Variants in PLK2 observed in about 807,000 individuals in gnomAD.
PLK2 encodes the protein polo like kinase 2, also known as serine/threonine-protein kinase PLK2.
In PLK2, 25 loss-of-function variants were observed where a neutral mutation model predicts 78.1. That is an observed-to-expected ratio of 0.32 (90% CI 0.23 to 0.45). PLK2 has a LOEUF of 0.45. Ranked by LOEUF, PLK2 falls within the 20% of genes least tolerant of loss-of-function variation. The pLI is 1.00. For synonymous variants in PLK2, 332 were observed against 298.2 expected (o/e 1.11, Z -1.17); for missense variants, 566 against 840.2 (o/e 0.67, Z 4.04).
In PLK2 at chr5:58,458,723, A is replaced by G. The variant is rs777604213; in HGVS notation, c.495+2T>C. 1.4e-6 allele frequency: 2 copies of G among 1,447,056 alleles called. No individual in the cohort carries two copies. Among genetic ancestry groups the G allele is most frequent in the Non-Finnish European group, 1.9e-6 (2 of 1,028,808 alleles). 89.6% of individuals were successfully genotyped at this position (1,447,056 alleles called of 1,614,324 possible). A position where few individuals can be genotyped will look rare whatever the true frequency, so the allele number is the denominator to read the frequency against. On this transcript the variant is annotated splice_donor_variant, in intron 3 of 13. Transcript: ENST00000274289. LOFTEE classifies it high-confidence loss of function. ...TGTTCTCAAATAGGAGTTGACACTT[A>G]CCCTTCTACTGCAGTATTCCAAGAG...
In PLK2 at chr5:58,455,344, T is replaced by C; in HGVS notation, c.1696A>G (p.Ile566Val). 1 of 1,613,968 alleles carries C rather than the reference T, an allele frequency of 6.2e-7. No homozygotes were observed. Among genetic ancestry groups the C allele is most frequent in the Non-Finnish European group, 8.5e-7 (1 of 1,179,864 alleles). ...FPATDAPEQFISQVTVLKYFS... is the reference protein window; with the variant it reads ...FPATDAPEQFVSQVTVLKYFS... ...TATTTCAGCACCGTCACTTGACTAA[T>C]AAATTGCTCAGGAGCATCTGTTGCT... The change falls in exon 12 of 14, where the codon ATT becomes GTT. Residue 566 changes from isoleucine (I) to valine (V), a missense_variant. By Grantham distance (29) the Ile-to-Val change is conservative. Around this residue, in one of 5 missense-constraint regions of PLK2, gnomAD observed 130 missense variants for 196.4 expected, o/e 0.66. Transcript: ENST00000274289.
chr5:58,459,696 C>T lies in PLK2; in HGVS notation c.264G>A (p.Leu88=). 6.3e-7 allele frequency: 1 copy of T among 1,583,592 alleles called. No homozygotes were observed. Among genetic ancestry groups the T allele is most frequent in the Non-Finnish European group, 8.6e-7 (1 of 1,164,634 alleles). Residue 88 remains leucine (L), a synonymous_variant, in exon 1 of 14, where the codon CTG becomes CTA. Coordinates refer to ENST00000274289, the MANE Select transcript of PLK2 (RefSeq NM_006622.4). ...GGCGCCCTCCGCTTGTCACCTTTCC[C>T]AGCACTTTGCCCCGGCAGTAGCGCT... ...TGKRYCRGKV[L]GKGGFAKCYE...
intron 5 of PLK2, 36 bp from the exon 6 acceptor site, chr5:58,457,619 T>A: frequency 8.2e-7 from 1 of 1,223,674 alleles, no homozygotes; most frequent in Non-Finnish European, 1.2e-6. Context: ...TGTTAGGAAC[T>A]ATTCCACTAC....
chr5:58,456,018 C>A lies in PLK2; in HGVS notation c.1384+8G>T. The stretch of plus-strand genomic sequence containing the variant: ...TCATTATTTAAAATACGATTGACAA[C>A]CACTTACATTCACTGCTGCTGCTAC... On this transcript the variant is annotated splice_region_variant and intron_variant, in intron 10 of 13. Coordinates refer to ENST00000274289, the MANE Select transcript of PLK2 (RefSeq NM_006622.4). 1 of 1,607,236 alleles carries A rather than the reference C, an allele frequency of 6.2e-7. No individual in the cohort carries two copies. The highest frequency in any genetic ancestry group is 1.1e-5 in the South Asian group (1 of 89,374).
At chr5:58,455,871 T>C (rs945145911) in intron 10 of PLK2, 92 bp from the exon 11 acceptor site, 2 of 1,514,874 alleles carry the variant, frequency 1.3e-6, no homozygotes, top group African/African-American at 2.8e-5. Context: ...CTCCATTAAT[T>C]CGAAAGACAT....
chr5:58,459,115 C>T (rs764035143), intron 1 of PLK2, 23 bp from the exon 2 acceptor site: 8 of 1,301,166 alleles, frequency 6.1e-6, no homozygotes, highest in Admixed American at 1.7e-5. Flanking sequence ...AAAGCCGAGA[C>T]GGAATTGAGG....
intron 8 of PLK2, 74 bp downstream of exon 8, chr5:58,456,871 T>C (rs1743619893): frequency 3.1e-6 from 3 of 980,208 alleles, no homozygotes; most frequent in Admixed American, 2.5e-5. Flanking sequence ...AATATAAAAT[T>C]CTCTTTTAAC....
In PLK2 at chr5:58,454,590, C is replaced by T; in HGVS notation, c.2051G>A (p.Cys684Tyr). 6.2e-7 allele frequency: 1 copy of T among 1,608,544 alleles called. No homozygotes were observed. Among genetic ancestry groups the T allele is most frequent in the Non-Finnish European group, 8.5e-7 (1 of 1,176,770 alleles). Residue 684 changes from cysteine to tyrosine, a missense_variant, in exon 14 of 14, where the codon TGT becomes TAT. Physicochemically the swap from Cys to Tyr is radical, Grantham distance 194. This residue lies in a region of PLK2 where 130 missense variants were observed against 196.4 expected (regional missense o/e 0.66). Transcript: ENST00000274289. ...EYALNMLLQR[C>Y]N Reference sequence around the variant, plus strand: ...GTCCATTCGAAAAGTCTTTCAGTTACATCTTTGTAAGAGCATGTTCAGGGC... The same window carrying T: ...GTCCATTCGAAAAGTCTTTCAGTTATATCTTTGTAAGAGCATGTTCAGGGC...
Position 58,460,061 on chromosome 5 carries a change from C to T in PLK2, c.-102G>A. ...CACCCTTGCCTCTGGTGCCGACTAG[C>T]ACCCAACACCCCGGTCCACTTGTGC... On this transcript the variant is annotated 5_prime_UTR_variant, in exon 1 of 14. Transcript: ENST00000274289. The T allele has an allele frequency of 1.5e-6, 2 of 1,329,784 alleles. No homozygotes were observed. The highest frequency in any genetic ancestry group is 2.0e-6 in the Non-Finnish European group (2 of 980,160). 82.4% of individuals were successfully genotyped at this position (1,329,784 alleles called of 1,614,324 possible).
chr5:58,454,722 T>C lies in PLK2; in HGVS notation c.1919A>G (p.Glu640Gly), dbSNP rs756373481. 3 of 1,613,260 alleles carry C rather than the reference T, an allele frequency of 1.9e-6. No individual in the cohort carries two copies. Among genetic ancestry groups the C allele is most frequent in the Admixed American group, 3.3e-5 (2 of 59,950 alleles). Residue 640 changes from glutamate to glycine, a missense_variant, in exon 14 of 14, where the codon GAA (glutamate) becomes GGA (glycine). Physicochemically the swap from Glu to Gly is moderately conservative, Grantham distance 98. Transcript: ENST00000274289. Reference protein sequence around the residue: ...TKIIICSQNEEYLLTYINEDR... With the variant: ...TKIIICSQNEGYLLTYINEDR... ...CTCATTGATGTAGGTGAGAAGGTAT[T>C]CTTCATTTTGGCTACAGATGATGAT... is the stretch of plus-strand genomic sequence containing the variant.
rs1185719088 is a variant in PLK2, at chr5:58,454,555, G to A, written c.*28C>T. On this transcript the variant is annotated 3_prime_UTR_variant, in exon 14 of 14. Transcript: ENST00000274289. Reference sequence around the variant, plus strand: ...GTAGATCTCACAGTGGAAAAGAGGAGTCCCATAGGGTCCATTCGAAAAGTC... The same window carrying A: ...GTAGATCTCACAGTGGAAAAGAGGAATCCCATAGGGTCCATTCGAAAAGTC... 11 of 1,472,306 alleles carry A rather than the reference G, an allele frequency of 7.5e-6. No homozygotes were observed. The highest frequency in any genetic ancestry group is 1.0e-5 in the Non-Finnish European group (11 of 1,065,134). The allele number at this position is 1,472,306 out of a possible 1,614,324, so 91.2% of individuals were successfully genotyped here.
chr5:58,459,465 G>A (rs2111715590), intron 1 of PLK2: 1 of 572,934 alleles, frequency 1.7e-6, no homozygotes, highest in East Asian at 2.9e-5. Context: ...GCATTTCTCT[G>A]GGCTGCGGGA....
chr5:58,455,210 C>G (rs1743563255), intron 12 of PLK2, 75 bp downstream of exon 12: 3 of 1,527,178 alleles, frequency 2.0e-6, no homozygotes, highest in African/African-American at 1.4e-5. Context: ...TTCTAACAAG[C>G]TTCAAAGTGA....
Position 58,459,017 on chromosome 5 carries a change from T to C in PLK2, c.346A>G (p.Ser116Gly). 1 of 1,609,420 alleles carries C rather than the reference T, an allele frequency of 6.2e-7. No individual in the cohort carries two copies. The highest frequency in any genetic ancestry group is 8.5e-7 in the Non-Finnish European group (1 of 1,175,788). Residue 116 changes from serine (S) to glycine (G), a missense_variant, in exon 2 of 14, where the codon AGC becomes GGC. Ser to Gly is a moderately conservative substitution (Grantham distance 56). Transcript: ENST00000274289. ...CTTTGATGAGGTTTAGCTACTCTGC[T>C]GTGAGGAATAATTTTTGCGGCGTAG... ...KVYAAKIIPHSRVAKPHQREK... is the reference protein window; with the variant it reads ...KVYAAKIIPHGRVAKPHQREK...
Position 58,459,820 on chromosome 5 carries a change from G to C in PLK2, c.140C>G (p.Ser47Cys). The change falls in exon 1 of 14, where the codon TCC (serine) becomes TGC (cysteine). Residue 47 changes from serine to cysteine, a missense_variant. Coordinates refer to ENST00000274289, the MANE Select transcript of PLK2 (RefSeq NM_006622.4). ...QPPEESQPPQ[S>C]QAQVPPAAPH... ...GGCCGCCGGGGGCACTTGCGCCTGG[G>C]ACTGAGGTGGCTGCGATTCCTCGGG... The C allele has an allele frequency of 6.2e-7, 1 of 1,609,936 alleles. No homozygotes were observed. Among genetic ancestry groups the C allele is most frequent in the South Asian group, 1.1e-5 (1 of 91,076 alleles).
chr5:58,454,888 A>G (rs1046246418), intron 13 of PLK2, 23 bp downstream of exon 13: 6 of 1,524,112 alleles, frequency 3.9e-6, no homozygotes, highest in Non-Finnish European at 5.5e-6. Flanking sequence ...CTAAACGTGC[A>G]CTTTCCTGAA....
rs1358924024 is a variant in PLK2 at position 58,454,892 on chromosome 5, T to C, written c.1866+19A>G. 1.9e-6 allele frequency: 3 copies of C among 1,541,336 alleles called. No individual in the cohort carries two copies. Among genetic ancestry groups the C allele is most frequent in the Non-Finnish European group, 2.7e-6 (3 of 1,113,802 alleles). On this transcript the variant is annotated intron_variant, in intron 13 of 13. Transcript: ENST00000274289. The stretch of plus-strand genomic sequence containing the variant: ...CTGTTTAGGACCTAAACGTGCACTT[T>C]CCTGAAGAGTTCATTTACCTGAAAG...
intron 1 of PLK2, 93 bp from the exon 2 acceptor site, chr5:58,459,185 GCA>G: frequency 1.5e-6 from 1 of 676,262 alleles, no homozygotes; most frequent in Non-Finnish European, 2.5e-6. Context: ...AGAAAGAAAA[GCA>G]AAAAAAAAAA....
In PLK2 at chr5:58,454,026, C is replaced by T. The variant is rs984367207; in HGVS notation, c.*557G>A. The stretch of plus-strand genomic sequence containing the variant: ...TTTATTGCCAACGGTTTAAAATGGT[C>T]AACATAAAAAAAAAGACATTTTGAT... On this transcript the variant is annotated 3_prime_UTR_variant, in exon 14 of 14. Coordinates refer to ENST00000274289, the MANE Select transcript of PLK2 (RefSeq NM_006622.4). 4 of 150,872 alleles carry T rather than the reference C, an allele frequency of 2.7e-5. No homozygotes were observed. The highest frequency in any genetic ancestry group is 9.8e-5 in the African/African-American group (4 of 40,866). 9.3% of individuals were successfully genotyped at this position (150,872 alleles called of 1,614,324 possible). A position where few individuals can be genotyped will look rare whatever the true frequency, so the allele number is the denominator to read the frequency against.
Sources: allele counts gnomAD v4.1 joint callset, GRCh38; gene constraint gnomAD v4.1.1; regional missense constraint gnomAD v4.1.1; transcripts MANE v1.5; gene names NCBI Gene and HGNC (gene_info 2026-07-23, HGNC 2026-07-21).